SLC25A21: variants seen among roughly 807,000 people sequenced by gnomAD.
The protein encoded by SLC25A21 is solute carrier family 25 member 21, also known as mitochondrial 2-oxodicarboxylate carrier.
In SLC25A21, 47 loss-of-function variants were observed where a neutral mutation model predicts 43.8. The ratio of observed to expected loss-of-function variants is 1.07; its 90% confidence interval spans 0.85 to 1.37. The LOEUF is 1.37. SLC25A21 is among the 40% of genes most tolerant of loss of function. The pLI is 0.00. For missense variants in SLC25A21, 352 were observed against 350.2 expected (o/e 1.00, Z -0.04); for synonymous variants, 131 against 121.3 (o/e 1.08, Z -0.52).
chr14:37,080,970 C>T (rs1261852872), intron 1 of SLC25A21, among the ~76,000 whole-genome samples: 2 of 152,124 alleles, frequency 1.3e-5, no homozygotes, highest in African/African-American at 2.4e-5. Context: ...AAATGGTTAT[C>T]GACTACCTCT....
chr14:36,938,594 T>G (rs1487464590), intron 1 of SLC25A21, among the ~76,000 whole-genome samples: 1 of 152,060 alleles, frequency 6.6e-6, no homozygotes, highest in African/African-American at 2.4e-5. Context: ...TTTCAATACA[T>G]GATAAATGAT....
At chr14:36,763,906 G>A (rs764805886) in intron 3 of SLC25A21, among the ~76,000 whole-genome samples, 23 of 150,920 alleles carry the variant, frequency 1.5e-4, no homozygotes, top group Non-Finnish European at 2.9e-4. Context: ...GTGGGCACCT[G>A]TAATCTCAGT....
intron 1 of SLC25A21, among the ~76,000 whole-genome samples, chr14:36,991,646 C>T (rs567270925): frequency 1.3e-5 from 2 of 152,300 alleles, no homozygotes; most frequent in African/African-American, 4.8e-5. Context: ...AGTTAAATAA[C>T]TTGTCCAAGA....
At chr14:36,935,085 A>G (rs1892386755) in intron 1 of SLC25A21, among the ~76,000 whole-genome samples, 1 of 152,120 alleles carries the variant, frequency 6.6e-6, no homozygotes, top group Admixed American at 6.6e-5. Flanking sequence ...GAAGTGTTTC[A>G]ATCCACTCTA....
chr14:36,988,947 A>C (rs987616376), intron 1 of SLC25A21, among the ~76,000 whole-genome samples: 3 of 152,252 alleles, frequency 2.0e-5, no homozygotes, highest in Non-Finnish European at 4.4e-5. Context: ...ACATTGATAG[A>C]ATATCTTTAA....
intron 1 of SLC25A21, among the ~76,000 whole-genome samples, chr14:36,949,098 T>C (rs937516637): frequency 6.6e-6 from 1 of 152,176 alleles, no homozygotes; most frequent in African/African-American, 2.4e-5. Context: ...GAATTAGAAT[T>C]GGATTCTCTC....
At chr14:37,015,334 T>C (rs1960828714) in intron 1 of SLC25A21, among the ~76,000 whole-genome samples, 1 of 151,426 alleles carries the variant, frequency 6.6e-6, no homozygotes. Flanking sequence ...GAATGATGAT[T>C]TCCAATTTCA....
chr14:36,979,197 G>T (rs539056966), intron 1 of SLC25A21, among the ~76,000 whole-genome samples: 1 of 152,088 alleles, frequency 6.6e-6, no homozygotes, highest in South Asian at 2.1e-4. Context: ...CTACTCAAAC[G>T]AACTAGAAAA....
chr14:36,720,667 G>A (rs1423672182), intron 6 of SLC25A21, among the ~76,000 whole-genome samples: 1 of 152,214 alleles, frequency 6.6e-6, no homozygotes. Flanking sequence ...AGGCTTAATC[G>A]AGAATTCATG....
intron 1 of SLC25A21, among the ~76,000 whole-genome samples, chr14:37,098,965 G>A (rs1360154055): frequency 6.6e-6 from 1 of 151,986 alleles, no homozygotes; most frequent in Non-Finnish European, 1.5e-5. Flanking sequence ...ACTGCACCTG[G>A]CTAATTTTTG....
intron 2 of SLC25A21, among the ~76,000 whole-genome samples, chr14:36,838,608 T>A (rs1889286754): frequency 6.6e-6 from 1 of 151,988 alleles, no homozygotes; most frequent in African/African-American, 2.4e-5. Flanking sequence ...CTACAGAAAA[T>A]CAACGTTAGA....
At chr14:36,735,708 C>G (rs1404979638) in intron 3 of SLC25A21, among the ~76,000 whole-genome samples, 2 of 152,032 alleles carry the variant, frequency 1.3e-5, no homozygotes, top group Non-Finnish European at 1.5e-5. Flanking sequence ...GGCACTAAAG[C>G]ACTTGCCTGC....
intron 2 of SLC25A21, among the ~76,000 whole-genome samples, chr14:36,857,398 G>A (rs1046341302): frequency 3.9e-5 from 6 of 152,170 alleles, no homozygotes; most frequent in African/African-American, 1.2e-4. Flanking sequence ...CTGACTGCCC[G>A]GCTGAGAGGC....
intron 1 of SLC25A21, among the ~76,000 whole-genome samples, chr14:36,940,738 T>C (rs1421257633): frequency 1.3e-5 from 2 of 152,166 alleles, no homozygotes; most frequent in African/African-American, 2.4e-5. Context: ...AATTTCAGAC[T>C]TTCAGATGAC....
intron 2 of SLC25A21, among the ~76,000 whole-genome samples, chr14:36,820,702 G>A (rs1888594211): frequency 2.6e-5 from 4 of 152,160 alleles, no homozygotes; most frequent in Admixed American, 1.3e-4. Context: ...AATAGACCTT[G>A]CCTTTTGTAT....
intron 1 of SLC25A21, among the ~76,000 whole-genome samples, chr14:37,150,044 AC>A (rs1458676235): frequency 6.6e-6 from 1 of 152,140 alleles, no homozygotes; most frequent in African/African-American, 2.4e-5. Context: ...TTTAGAACTT[AC>A]ATTCAAGAAA....
At position 37,095,763 on chromosome 14, in the gene SLC25A21, T is replaced by C. The variant is rs183886292; in HGVS notation, c.70+76518A>G. ...AAAGTTAGCCAAGTGAGATATCCTG[T>C]CTTTAAAAAAATGTATATATGTATA... On this transcript the variant is annotated intron_variant, in intron 1 of 9. Transcript: ENST00000331299. Among the ~76,000 whole-genome samples the C allele has an allele frequency of 1.7e-4, 25 of 150,882 alleles. No individual in the cohort carries two copies. The East Asian group carries it at 3.9e-3, about 24-fold the overall frequency.
chr14:36,962,233 C>T (rs1002929604), intron 1 of SLC25A21, among the ~76,000 whole-genome samples: 5 of 152,254 alleles, frequency 3.3e-5, no homozygotes, highest in South Asian at 2.1e-4. Context: ...TTGAGGTTTA[C>T]AACATGATGT....
At chr14:36,902,772 C>G (rs848696) in intron 1 of SLC25A21, among the ~76,000 whole-genome samples, 72,995 of 151,400 alleles carry the variant, frequency 0.48, 19,455 homozygotes, top group East Asian at 0.99. Context: ...CAAGGTGGGA[C>G]AATTGCTTGA....
Sources: allele counts gnomAD v4.1 joint callset (sites outside exome capture counted in the v4.1 genomes callset), GRCh38; gene constraint gnomAD v4.1.1; transcripts MANE v1.5; gene names NCBI Gene and HGNC (gene_info 2026-07-23, HGNC 2026-07-21).